The following DHX30 variants were observed in gnomAD, a reference collection of about 807,000 sequenced individuals.
DHX30 encodes the protein DExH-box helicase 30, also known as ATP-dependent RNA helicase DHX30.
In DHX30, 4 loss-of-function variants were observed where a neutral mutation model predicts 116.9. The ratio of observed to expected loss-of-function variants is 0.03; its 90% CI spans 0.02 to 0.08. DHX30 has a LOEUF of 0.08. Among genes scored for constraint, DHX30 ranks in the 10% least tolerant of loss-of-function variants. The probability of loss-of-function intolerance (pLI) is 1.00; values close to 1 mark genes in which losing one functional copy is unlikely to be tolerated. For synonymous variants in DHX30, 697 were observed against 651.7 expected (o/e 1.07, Z -1.06); for missense variants, 871 against 1,595.1 (o/e 0.55, Z 7.73).
At position 47,811,754 on chromosome 3, in the gene DHX30, G is replaced by A. The variant is rs371499295; in HGVS notation, c.28+1043G>A. ...TCAGGATCCAGAGAGAGAGAGTTGG[G>A]GAGGTGCCACACAATTTAAACAAGA... On this transcript the variant is annotated intron_variant, in intron 3 of 21. Coordinates refer to ENST00000445061, the MANE Select transcript of DHX30 (RefSeq NM_138615.3). Among the ~76,000 whole-genome samples, 9 of 151,884 alleles carry A rather than the reference G, an allele frequency of 5.9e-5. No individual in the cohort carries two copies. The East Asian group carries it at 1.5e-3, about 26-fold the overall frequency.
At chr3:47,805,677 T>G (rs1369913942) in intron 2 of DHX30, among the ~76,000 whole-genome samples, 6 of 151,916 alleles carry the variant, frequency 3.9e-5, no homozygotes, top group Non-Finnish European at 7.4e-5. Context: ...TAGCTGAGAT[T>G]ACAGGCGCCT....
chr3:47,848,036 T>C lies in DHX30; in HGVS notation c.2286+80T>C. Reference sequence around the variant, plus strand: ...GGTGGTCCCCAGCCCAGATCTACCTTAGACCTGCTTTGTGTGTCTTCAGAA... The same window carrying C: ...GGTGGTCCCCAGCCCAGATCTACCTCAGACCTGCTTTGTGTGTCTTCAGAA... On this transcript the variant is annotated intron_variant, in intron 14 of 21. Transcript: ENST00000445061. This position sits in a 1 kb window ranked among gnomAD's most constrained non-coding sequence, Gnocchi z 9.4. The C allele has an allele frequency of 1.3e-6, 2 of 1,592,152 alleles. No individual in the cohort carries two copies. Among genetic ancestry groups the C allele is most frequent in the East Asian group, 2.2e-5 (1 of 44,612 alleles).
At chr3:47,828,881 CCT>C in intron 5 of DHX30, 141 bp from the exon 6 acceptor site, 1 of 639,574 alleles carries the variant, frequency 1.6e-6, no homozygotes. Context: ...GGGGTTCTGT[CCT>C]CTGTTCTCAA....
chr3:47,842,832 A>C (rs1184352213), intron 8 of DHX30, among the ~76,000 whole-genome samples: 1 of 152,190 alleles, frequency 6.6e-6, no homozygotes, highest in Non-Finnish European at 1.5e-5. Flanking sequence ...TGCCGAGATG[A>C]CAGTGGGCTA....
chr3:47,843,447 G>A (rs1461789754), intron 9 of DHX30, among the ~76,000 whole-genome samples, 192 bp downstream of exon 9: 1 of 152,258 alleles, frequency 6.6e-6, no homozygotes, highest in Non-Finnish European at 1.5e-5. Context: ...CAGAGGCCCT[G>A]TGGAGATACT....
chr3:47,812,063 C>CAAA (rs370479642), intron 3 of DHX30, among the ~76,000 whole-genome samples: 9 of 89,090 alleles, frequency 1.0e-4, no homozygotes, highest in African/African-American at 2.4e-4. Flanking sequence ...GACTCAGTCT[C>CAAA]AAAAAAAAAA....
chr3:47,823,153 G>T (rs1440410046), intron 4 of DHX30, among the ~76,000 whole-genome samples: 1 of 150,758 alleles, frequency 6.6e-6, no homozygotes, highest in Non-Finnish European at 1.5e-5. Context: ...TAATCTATCA[G>T]ATCTCTTGAG....
At chr3:47,813,220 A>G (rs1455913210) in intron 3 of DHX30, among the ~76,000 whole-genome samples, 3 of 151,996 alleles carry the variant, frequency 2.0e-5, no homozygotes, top group Non-Finnish European at 2.9e-5. Flanking sequence ...GTGGGTGCCT[A>G]TAGTCCCAGC....
intron 3 of DHX30, among the ~76,000 whole-genome samples, chr3:47,817,398 T>G (rs1576470576): frequency 6.6e-6 from 1 of 152,232 alleles, no homozygotes; most frequent in Non-Finnish European, 1.5e-5. Context: ...AAATGTACTT[T>G]CTGGTTACTA....
rs765488503 is a variant in DHX30 at position 47,850,170 on chromosome 3, T to TAA, written c.*52_*53dup. ...ACAGAGTGCAAATGTTTATTTAAAA[T>TAA]AAAGTTCTATTTATCCCTTGTGACC... On this transcript the variant is annotated 3_prime_UTR_variant, in exon 22 of 22. Coordinates refer to ENST00000445061, the MANE Select transcript of DHX30 (RefSeq NM_138615.3). 10 of 1,503,862 alleles carry TAA rather than the reference T, an allele frequency of 6.6e-6. No individual in the cohort carries two copies. In the East Asian group the frequency reaches 1.5e-4, roughly 22 times the overall value. 93.2% of individuals were successfully genotyped at this position (1,503,862 alleles called of 1,614,324 possible).
Position 47,848,463 on chromosome 3 carries a change from T to C in DHX30, c.2494-6T>C. 1 of 1,613,822 alleles carries C rather than the reference T, an allele frequency of 6.2e-7. No individual in the cohort carries two copies. Among genetic ancestry groups the C allele is most frequent in the Non-Finnish European group, 8.5e-7 (1 of 1,179,934 alleles). ...AGGCTCATGGCGGGCTCTGGCTCTG[T>C]CATAGGCGGTGGAGTTCCTGTCCAA... On this transcript the variant is annotated splice_region_variant and splice_polypyrimidine_tract_variant and intron_variant, in intron 15 of 21. Coordinates refer to ENST00000445061, the MANE Select transcript of DHX30 (RefSeq NM_138615.3). This position sits in a 1 kb window ranked among gnomAD's most constrained non-coding sequence, Gnocchi z 9.4.
In DHX30 at chr3:47,850,058, C is replaced by G. The variant is rs2107187958; in HGVS notation, c.3523C>G (p.Leu1175Val). 1 of 1,599,206 alleles carries G rather than the reference C, an allele frequency of 6.3e-7. No homozygotes were observed. The highest frequency in any genetic ancestry group is 1.7e-4 in the Middle Eastern group (1 of 5,746). The change falls in exon 22 of 22, where the codon CTG becomes GTG. Residue 1175 changes from leucine to valine, a missense_variant. Leu to Val is a conservative substitution (Grantham distance 32). This residue lies in a region of DHX30 where 52 missense variants were observed against 50.1 expected (regional missense o/e 1.04). Coordinates refer to ENST00000445061, the MANE Select transcript of DHX30 (RefSeq NM_138615.3). ...QEEHGQLLAL[L>V]AELLRGPCGS... ...GGAGCACGGGCAGCTGCTTGCGCTA[C>G]TGGCAGAGCTGCTGCGAGGACCCTG...
intron 6 of DHX30, among the ~76,000 whole-genome samples, chr3:47,833,537 CAAAAA>C (rs71070236): frequency 9.6e-5 from 6 of 62,456 alleles, no homozygotes; most frequent in Non-Finnish European, 1.1e-4. Flanking sequence ...CTCTCTCTCT[CAAAAA>C]AAAAAAAAAA....
intron 4 of DHX30, among the ~76,000 whole-genome samples, chr3:47,826,732 G>A (rs937898929): frequency 3.3e-5 from 5 of 152,336 alleles, no homozygotes; most frequent in African/African-American, 1.2e-4. Context: ...GATTACAGGC[G>A]TGAGCCACCA....
chr3:47,838,842 A>G (rs981419703), intron 6 of DHX30, among the ~76,000 whole-genome samples: 2 of 152,046 alleles, frequency 1.3e-5, no homozygotes, highest in African/African-American at 4.8e-5. Context: ...GGCCATCTGC[A>G]TTTCTCTTCT....
At chr3:47,829,822 CT>C (rs1335108495) in intron 6 of DHX30, among the ~76,000 whole-genome samples, 2 of 151,996 alleles carry the variant, frequency 1.3e-5, no homozygotes, top group Admixed American at 1.3e-4. Flanking sequence ...TCCTGTCTTA[CT>C]TTTTTTAAAT....
chr3:47,829,495 C>T (rs1447947826), intron 6 of DHX30, among the ~76,000 whole-genome samples: 2 of 151,406 alleles, frequency 1.3e-5, no homozygotes, highest in East Asian at 1.9e-4. Context: ...AGGTGCCCAC[C>T]ACCACGCCTG....
At chr3:47,807,263 C>G (rs2035571433) in intron 2 of DHX30, among the ~76,000 whole-genome samples, 3 of 152,046 alleles carry the variant, frequency 2.0e-5, no homozygotes, top group African/African-American at 7.2e-5. Context: ...TTTTGGATCT[C>G]TATGAAATGT....
intron 6 of DHX30, among the ~76,000 whole-genome samples, chr3:47,834,041 G>C (rs182312334): frequency 2.0e-4 from 31 of 152,070 alleles, no homozygotes; most frequent in Admixed American, 5.2e-4. Flanking sequence ...TAACTACCAG[G>C]TCTACTCTGT....
Sources: gnomAD v4.1 joint callset for allele counts (sites outside exome capture counted in the v4.1 genomes callset) on GRCh38, gnomAD v4.1.1 for gene constraint, gnomAD v4.1.1 regional missense constraint, Gnocchi (gnomAD v3.1) non-coding constraint, MANE v1.5 for transcripts, NCBI Gene and HGNC (gene_info 2026-07-23, HGNC 2026-07-21) for gene names.